CADM2: variants seen among roughly 807,000 people sequenced by gnomAD.
CADM2 encodes immunoglobulin superfamily member 4D.
In CADM2, 12 loss-of-function variants were observed where a neutral mutation model predicts 49.8. The ratio of observed to expected loss-of-function variants is 0.24; its 90% confidence interval spans 0.15 to 0.39. The LOEUF (loss-of-function observed/expected upper bound fraction) is 0.39. Ranked by LOEUF, CADM2 falls within the 10% of genes least tolerant of loss-of-function variation. The pLI, the probability that CADM2 is intolerant of heterozygous loss-of-function variation, is 1.00. For missense variants in CADM2, 378 were observed against 492.3 expected, an observed-to-expected ratio of 0.77 and a Z score of 2.20; for synonymous variants, 214 against 175.4, an observed-to-expected ratio of 1.22 and a Z score of -1.74.
At chr3:85,450,684 A>G (rs890852228) in intron 1 of CADM2, among the ~76,000 whole-genome samples, 2 of 147,232 alleles carry the variant, frequency 1.4e-5, no homozygotes, top group Admixed American at 1.4e-4. Context: ...ACTTCTGACT[A>G]AAGATTCACT....
At chr3:85,980,059 A>G (rs994302212) in intron 8 of CADM2, among the ~76,000 whole-genome samples, 17 of 151,524 alleles carry the variant, frequency 1.1e-4, no homozygotes, top group African/African-American at 4.1e-4. Context: ...AAATTAAAAA[A>G]AAATGAAGCC....
At chr3:85,617,773 G>A (rs986393666) in intron 1 of CADM2, among the ~76,000 whole-genome samples, 1 of 152,140 alleles carries the variant, frequency 6.6e-6, no homozygotes, top group Non-Finnish European at 1.5e-5. Context: ...TCTCTTTGGA[G>A]ATTCTAAGGA....
At chr3:85,615,993 A>C (rs1166877310) in intron 1 of CADM2, among the ~76,000 whole-genome samples, 2 of 151,980 alleles carry the variant, frequency 1.3e-5, no homozygotes, top group Non-Finnish European at 2.9e-5. Context: ...GTTGAATGAG[A>C]TGGCTCTGAG....
At chr3:85,096,471 A>T (rs1304097289) in intron 1 of CADM2, among the ~76,000 whole-genome samples, 18 of 152,148 alleles carry the variant, frequency 1.2e-4, no homozygotes, top group Admixed American at 1.2e-3. Context: ...AATAGATCTT[A>T]TTAAATATGT....
chr3:86,065,801 TATC>T, intron 9 of CADM2, 71 bp downstream of exon 9: 1 of 1,466,742 alleles, frequency 6.8e-7, no homozygotes, highest in Non-Finnish European at 9.4e-7. Flanking sequence ...TAAAATATGA[TATC>T]AGTGCATATA....
At chr3:85,184,207 A>G (rs2041001004) in intron 1 of CADM2, among the ~76,000 whole-genome samples, 1 of 152,112 alleles carries the variant, frequency 6.6e-6, no homozygotes, top group South Asian at 2.1e-4. Context: ...TTGAGAGATT[A>G]TGTGACCTTT....
chr3:85,032,107 A>G (rs2035015089), intron 1 of CADM2, among the ~76,000 whole-genome samples: 1 of 152,142 alleles, frequency 6.6e-6, no homozygotes, highest in African/African-American at 2.4e-5. Flanking sequence ...GGTCATCTAT[A>G]TGCCAAATAC....
intron 2 of CADM2, among the ~76,000 whole-genome samples, chr3:85,767,202 T>C (rs2069701933): frequency 6.6e-6 from 1 of 152,174 alleles, no homozygotes; most frequent in African/African-American, 2.4e-5. Flanking sequence ...CTCTAGTGAT[T>C]TAAATATATT....
intron 1 of CADM2, among the ~76,000 whole-genome samples, chr3:85,154,079 G>A (rs2040020073): frequency 6.6e-6 from 1 of 152,210 alleles, no homozygotes; most frequent in Admixed American, 6.5e-5. Context: ...ACAGAATAAA[G>A]CTGGACGGAG....
At chr3:85,064,907 A>T (rs58443333) in intron 1 of CADM2, among the ~76,000 whole-genome samples, 1 of 152,060 alleles carries the variant, frequency 6.6e-6, no homozygotes. Context: ...GTGCCTCATG[A>T]GTTGCATGTC....
chr3:85,817,069 G>T (rs1021620813), intron 3 of CADM2, among the ~76,000 whole-genome samples: 1 of 152,156 alleles, frequency 6.6e-6, no homozygotes, highest in Non-Finnish European at 1.5e-5. Flanking sequence ...TTATTTCCCT[G>T]CAGGCTCTTG....
chr3:85,454,722 T>C (rs751524537), intron 1 of CADM2, among the ~76,000 whole-genome samples: 9 of 152,142 alleles, frequency 5.9e-5, no homozygotes, highest in Non-Finnish European at 1.0e-4. Context: ...TCAACAAATA[T>C]TTGTCAAGTA....
rs965426840 is a variant in CADM2 at position 85,238,555 on chromosome 3, G to A, written c.61+278887G>A. On this transcript the variant is annotated intron_variant, in intron 1 of 9. Coordinates refer to ENST00000383699, the MANE Select transcript of CADM2 (RefSeq NM_001167675.2). ...CTGAGCTCTTTGAGTGTAGGGAAGG[G>A]CCCAAAGGGAAAAGTCAACTAGCCA... 4.0e-5 allele frequency among the ~76,000 whole-genome samples: 6 copies of A among 151,680 alleles called. No individual in the cohort carries two copies. In the East Asian group the frequency reaches 1.2e-3, roughly 29 times the overall value.
chr3:85,117,865 T>A (rs1268940870), intron 1 of CADM2, among the ~76,000 whole-genome samples: 3 of 151,926 alleles, frequency 2.0e-5, no homozygotes, highest in Non-Finnish European at 4.4e-5. Context: ...TTGGGAGGAG[T>A]TTTATTTATA....
intron 1 of CADM2, among the ~76,000 whole-genome samples, chr3:85,114,263 T>A (rs1300868176): frequency 6.6e-6 from 1 of 151,948 alleles, no homozygotes; most frequent in Non-Finnish European, 1.5e-5. Flanking sequence ...AAAACCCCCA[T>A]GGGCTGAATC....
At chr3:85,641,152 G>A (rs1250580214) in intron 1 of CADM2, among the ~76,000 whole-genome samples, 4 of 152,084 alleles carry the variant, frequency 2.6e-5, no homozygotes, top group African/African-American at 7.2e-5. Context: ...GCATTAATGC[G>A]TTTCAGCCTC....
intron 8 of CADM2, among the ~76,000 whole-genome samples, chr3:86,002,405 A>G (rs1470849341): frequency 1.3e-5 from 2 of 152,182 alleles, no homozygotes; most frequent in African/African-American, 4.8e-5. Flanking sequence ...TTCCCTGAGT[A>G]GACAGATGTC....
chr3:85,638,079 C>A (rs1384022509), intron 1 of CADM2, among the ~76,000 whole-genome samples: 2 of 152,148 alleles, frequency 1.3e-5, no homozygotes, highest in East Asian at 3.9e-4. Flanking sequence ...CTTAACACAT[C>A]AGCATAGTTC....
intron 1 of CADM2, among the ~76,000 whole-genome samples, chr3:85,107,631 T>TCTTC (rs1553683765): frequency 7.3e-6 from 1 of 137,842 alleles, no homozygotes; most frequent in Non-Finnish European, 1.6e-5. Context: ...CTTTCTTTCT[T>TCTTC]TTTCTTTCTT....
Sources: allele counts gnomAD v4.1 joint callset (sites outside exome capture counted in the v4.1 genomes callset), GRCh38; gene constraint gnomAD v4.1.1; transcripts MANE v1.5; gene names NCBI Gene and HGNC (gene_info 2026-07-23, HGNC 2026-07-21).